Variants in RAB38 observed in about 807,000 individuals in gnomAD.
RAB38 encodes ras-related protein Rab-38.
In RAB38, 15 loss-of-function variants were observed where a neutral mutation model predicts 18.4. The ratio of observed to expected loss-of-function variants is 0.82; its 90% CI spans 0.55 to 1.26. RAB38 has a LOEUF of 1.26. Ranked by LOEUF, RAB38 falls within the 50% of genes most tolerant of loss-of-function variation. RAB38 has a pLI of 0.00. For missense variants in RAB38, 294 were observed against 267.4 expected (o/e 1.10, Z -0.69); for synonymous variants, 101 against 104.4 (o/e 0.97, Z 0.20).
At chr11:87,886,646 A>C in the RAB38 span, among the ~76,000 whole-genome samples, 3 of 151,942 alleles carry the variant, frequency 2.0e-5, no homozygotes, top group Non-Finnish European at 4.4e-5. Flanking sequence ...CCATCTTAGT[A>C]CAAACACTTT....
chr11:88,096,712 G>A, the RAB38 span, among the ~76,000 whole-genome samples: 1 of 151,742 alleles, frequency 6.6e-6, no homozygotes, highest in Non-Finnish European at 1.5e-5. Flanking sequence ...AGCAAGAAAG[G>A]GGCCAGTGTG....
At chr11:87,896,643 C>T in the RAB38 span, among the ~76,000 whole-genome samples, 1 of 151,540 alleles carries the variant, frequency 6.6e-6, no homozygotes, top group Non-Finnish European at 1.5e-5. Flanking sequence ...GTCTTTTAGA[C>T]CAACATTTCC....
chr11:87,830,574 CTTATT>C, the RAB38 span, among the ~76,000 whole-genome samples: 283 of 151,966 alleles, frequency 1.9e-3, no homozygotes, highest in African/African-American at 6.4e-3. Flanking sequence ...CATGAATTAC[CTTATT>C]TTATTTCCCA....
chr11:88,168,942 T>C (rs1943276198), intron 1 of RAB38, among the ~76,000 whole-genome samples: 1 of 152,170 alleles, frequency 6.6e-6, no homozygotes, highest in Admixed American at 6.5e-5. Flanking sequence ...CCTCCATTGT[T>C]CTCATCACAG....
At chr11:88,074,619 A>T in the RAB38 span, among the ~76,000 whole-genome samples, 1 of 152,186 alleles carries the variant, frequency 6.6e-6, no homozygotes. Context: ...ACCACAAAGG[A>T]TGACAGTAAG....
the RAB38 span, among the ~76,000 whole-genome samples, chr11:88,067,787 T>C: frequency 2.0e-5 from 3 of 151,818 alleles, no homozygotes; most frequent in African/African-American, 7.3e-5. Flanking sequence ...TTAGGACAAA[T>C]ACCTAATGTA....
the RAB38 span, among the ~76,000 whole-genome samples, chr11:87,862,360 G>A: frequency 6.6e-6 from 1 of 151,896 alleles, no homozygotes; most frequent in Non-Finnish European, 1.5e-5. Flanking sequence ...TCCTTTGCTG[G>A]GGCATGGATG....
intron 1 of RAB38, among the ~76,000 whole-genome samples, chr11:88,154,087 T>C (rs914777753): frequency 2.6e-5 from 4 of 152,286 alleles, no homozygotes; most frequent in Admixed American, 6.5e-5. Context: ...TGCCTTTCCA[T>C]TGGGGATCCC....
At chr11:87,895,620 C>G in the RAB38 span, among the ~76,000 whole-genome samples, 782 of 151,736 alleles carry the variant, frequency 5.2e-3, 12 homozygotes, top group African/African-American at 0.018. Context: ...TGGAGAGTCT[C>G]TTTGGCTCCA....
the RAB38 span, among the ~76,000 whole-genome samples, chr11:87,967,567 G>A: frequency 6.6e-6 from 1 of 152,110 alleles, no homozygotes; most frequent in Non-Finnish European, 1.5e-5. Context: ...TAATGGTTAA[G>A]CCCAATGCAA....
chr11:88,101,920 T>C, the RAB38 span, among the ~76,000 whole-genome samples: 15 of 152,050 alleles, frequency 9.9e-5, 1 homozygote, highest in East Asian at 2.9e-3. Flanking sequence ...ATTGTAATTC[T>C]AGTGGCATTT....
the RAB38 span, among the ~76,000 whole-genome samples, chr11:87,932,378 G>T: frequency 1.3e-5 from 2 of 152,026 alleles, no homozygotes; most frequent in Non-Finnish European, 2.9e-5. Flanking sequence ...AGAAGGGAGA[G>T]AAAAACCTGG....
the RAB38 span, among the ~76,000 whole-genome samples, chr11:87,864,753 A>G: frequency 6.6e-6 from 1 of 151,790 alleles, no homozygotes; most frequent in Admixed American, 6.6e-5. Flanking sequence ...AGAATAATGG[A>G]AGACTTTCAA....
At chr11:88,094,364 A>G in the RAB38 span, among the ~76,000 whole-genome samples, 4 of 151,886 alleles carry the variant, frequency 2.6e-5, no homozygotes, top group Non-Finnish European at 2.9e-5. Context: ...TTCTAATATC[A>G]TAAGCCTCAT....
the RAB38 span, among the ~76,000 whole-genome samples, chr11:87,893,390 A>ATATATATATATATATATTTTTTTTTTT: frequency 1.1e-5 from 1 of 93,916 alleles, no homozygotes; most frequent in Non-Finnish European, 2.1e-5. Flanking sequence ...ATATATATAT[A>ATATATATATATATATATTTTTTTTTTT]TTTTTTTTTT....
the RAB38 span, among the ~76,000 whole-genome samples, chr11:88,065,993 A>C: frequency 6.6e-6 from 1 of 152,234 alleles, no homozygotes; most frequent in Non-Finnish European, 1.5e-5. Context: ...TTAAGGCAGA[A>C]ATAACCTTAA....
chr11:87,845,152 A>G, the RAB38 span, among the ~76,000 whole-genome samples: 1 of 152,220 alleles, frequency 6.6e-6, no homozygotes, highest in African/African-American at 2.4e-5. Context: ...ATAGATAACA[A>G]AGTTTAAGAT....
the RAB38 span, among the ~76,000 whole-genome samples, chr11:87,818,670 A>G: frequency 6.6e-6 from 1 of 152,208 alleles, no homozygotes; most frequent in Non-Finnish European, 1.5e-5. Flanking sequence ...CTTACAAACT[A>G]TAAGTGACAG....
the RAB38 span, among the ~76,000 whole-genome samples, chr11:87,825,727 A>T: frequency 6.6e-6 from 1 of 152,254 alleles, no homozygotes; most frequent in East Asian, 1.9e-4. Context: ...AGGCTGGAGG[A>T]CAAGGAGTTT....
Sources: gnomAD v4.1 joint callset for allele counts (sites outside exome capture counted in the v4.1 genomes callset) on GRCh38, gnomAD v4.1.1 for gene constraint, MANE v1.5 for transcripts, NCBI Gene and HGNC (gene_info 2026-07-23, HGNC 2026-07-21) for gene names.